A4GALT: variants seen among roughly 807,000 people sequenced by gnomAD.
A4GALT encodes alpha 1,4-galactosyltransferase (P1PK blood group).
For synonymous variants in A4GALT, 257 were observed against 220.7 expected (o/e 1.16, Z -1.46); for missense variants, 512 against 486.0 (o/e 1.05, Z -0.50).
chr22:42,703,079 GTGTGTGAGAGAGAGCATGCTGCCCCAC>G (rs1920934570), intron 1 of A4GALT, among the ~76,000 whole-genome samples: 3 of 146,360 alleles, frequency 2.0e-5, no homozygotes, highest in African/African-American at 8.1e-5. Context: ...GTGTGTGTGT[GTGTGTGAGAGAGAGCATGCTGCCCCAC>G]TGTGTGTGTG....
At chr22:42,695,177 A>G (rs1930837126) in intron 2 of A4GALT, 1 of 84,084 alleles carries the variant, frequency 1.2e-5, no homozygotes, top group Non-Finnish European at 2.2e-5. Flanking sequence ...AGCCAGCGGG[A>G]TCACCATCGA....
intron 1 of A4GALT, among the ~76,000 whole-genome samples, chr22:42,699,922 C>T (rs910301): frequency 0.28 from 42,882 of 151,990 alleles, 6,588 homozygotes; most frequent in South Asian, 0.39. Flanking sequence ...AGGCTGAGGA[C>T]GGAGGAATTC....
At chr22:42,701,862 G>C (rs1286791380) in intron 1 of A4GALT, among the ~76,000 whole-genome samples, 1 of 152,164 alleles carries the variant, frequency 6.6e-6, no homozygotes, top group African/African-American at 2.4e-5. Context: ...GAGGCAAGCA[G>C]AGCCAAGGGA....
In A4GALT at chr22:42,692,771, C is replaced by T; in HGVS notation, c.*119G>A. 8.2e-7 allele frequency: 1 copy of T among 1,222,650 alleles called. No individual in the cohort carries two copies. Among genetic ancestry groups the T allele is most frequent in the South Asian group, 1.3e-5 (1 of 78,476 alleles). The allele number at this position is 1,222,650 out of a possible 1,614,324, so 75.7% of individuals were successfully genotyped here. On this transcript the variant is annotated 3_prime_UTR_variant, in exon 3 of 3. Transcript: ENST00000642412. This position sits in a 1 kb window ranked among gnomAD's most constrained non-coding sequence, Gnocchi z 4.6. ...CCTGCTCCCACAGCTCCTCAACAGC[C>T]TGCCTAAGCCCGGTGGCAGCTCGGG...
Position 42,692,415 on chromosome 22 carries a change from A to C in A4GALT, c.*475T>G. The C allele has an allele frequency of 1.0e-5, 3 of 297,910 alleles. No homozygotes were observed. Among genetic ancestry groups the C allele is most frequent in the South Asian group, 2.8e-5 (1 of 35,814 alleles). 18.5% of individuals were successfully genotyped at this position (297,910 alleles called of 1,614,324 possible). On this transcript the variant is annotated 3_prime_UTR_variant, in exon 3 of 3. Transcript: ENST00000642412. The surrounding 1 kb of genome is among the most constrained non-coding windows in gnomAD (Gnocchi z 4.6). The stretch of plus-strand genomic sequence containing the variant: ...CCCCCGCGAAAGAGGAACCAAAACC[A>C]GAAAAGAACAAAGCATCCTCCGCCC...
chr22:42,704,913 G>C (rs1920973108), intron 1 of A4GALT, among the ~76,000 whole-genome samples: 1 of 151,986 alleles, frequency 6.6e-6, no homozygotes, highest in African/African-American at 2.4e-5. Context: ...GAGCTCAAGA[G>C]TGGAAGACCC....
At position 42,692,368 on chromosome 22, in the gene A4GALT, A is replaced by G; in HGVS notation, c.*522T>C. On this transcript the variant is annotated 3_prime_UTR_variant, in exon 3 of 3. Coordinates refer to ENST00000642412, the MANE Select transcript of A4GALT (RefSeq NM_017436.7). This position sits in a 1 kb window ranked among gnomAD's most constrained non-coding sequence, Gnocchi z 4.6. ...GCACTTCTGGGCCTCTGCCCCACTC[A>G]GTCCCTGTTGACCTCCCCCACCCCC... The G allele has an allele frequency of 3.5e-6, 1 of 284,646 alleles. No homozygotes were observed. Among genetic ancestry groups the G allele is most frequent in the East Asian group, 9.5e-5 (1 of 10,488 alleles). The allele number at this position is 284,646 out of a possible 1,614,324, so 17.6% of individuals were successfully genotyped here.
intron 2 of A4GALT, among the ~76,000 whole-genome samples, chr22:42,694,218 C>G (rs563618109): frequency 6.6e-6 from 1 of 152,370 alleles, no homozygotes; most frequent in East Asian, 1.9e-4. Context: ...GTCCCTTCCA[C>G]TCTCTGCGAC....
intron 1 of A4GALT, among the ~76,000 whole-genome samples, chr22:42,708,945 A>G (rs1012106185): frequency 1.3e-5 from 2 of 151,484 alleles, no homozygotes; most frequent in African/African-American, 4.9e-5. Flanking sequence ...ATTACAAAAC[A>G]AAAGCACCAG....
At chr22:42,715,177 G>A (rs1922061382) in intron 1 of A4GALT, among the ~76,000 whole-genome samples, 1 of 152,056 alleles carries the variant, frequency 6.6e-6, no homozygotes, top group Admixed American at 6.6e-5. Context: ...ACGTCTTAGA[G>A]ATCTAAGAGA....
chr22:42,706,518 G>T (rs1379589563), intron 1 of A4GALT, among the ~76,000 whole-genome samples: 2 of 151,728 alleles, frequency 1.3e-5, no homozygotes, highest in Non-Finnish European at 2.9e-5. Flanking sequence ...AGAACAGCCG[G>T]GTGCGGTCGC....
chr22:42,693,241 G>A lies in A4GALT; in HGVS notation c.711C>T (p.Phe237=), dbSNP rs530734646. ...HEFMALCMRD[F]VDHYNGWIWG... is the part of the protein sequence containing the mutation. ...AGATCCAGCCGTTGTAGTGGTCCACGAAGTCCCGCATGCACAGCGCCATGA... is the reference window on the plus strand; with the variant it reads ...AGATCCAGCCGTTGTAGTGGTCCACAAAGTCCCGCATGCACAGCGCCATGA... Residue 237 remains phenylalanine (F), a synonymous_variant, in exon 3 of 3, where the codon TTC becomes TTT. Coordinates refer to ENST00000642412, the MANE Select transcript of A4GALT (RefSeq NM_017436.7). 1.9e-6 allele frequency: 3 copies of A among 1,611,320 alleles called. No homozygotes were observed. Among genetic ancestry groups the A allele is most frequent in the East Asian group, 2.2e-5 (1 of 44,756 alleles).
At chr22:42,703,259 G>GTTTTGT (rs1555887062) in intron 1 of A4GALT, among the ~76,000 whole-genome samples, 7 of 131,748 alleles carry the variant, frequency 5.3e-5, no homozygotes, top group African/African-American at 2.0e-4. Context: ...GTTTGTTTTT[G>GTTTTGT]TTTTTTTTTT....
Position 42,693,801 on chromosome 22 carries a change from G to A in A4GALT, c.151C>T (p.Gln51Ter). The change falls in exon 3 of 3, where the codon CAG (glutamine) becomes TAG (stop). Residue 51 changes from glutamine (Q) to a stop codon, truncating the protein, a stop_gained. Transcript: ENST00000642412. LOFTEE classifies it low-confidence loss of function (END_TRUNC). ...ATCTCTGCTGGCAGGTTATAGAGCT[G>A]CCCTTTCTCCTTGGGCTCTCCCACA... The part of the protein sequence containing the change: ...HVVGEPKEKG[Q>*]LYNLPAEIPC... The A allele has an allele frequency of 1.2e-6, 2 of 1,603,372 alleles. No homozygotes were observed. The highest frequency in any genetic ancestry group is 1.1e-5 in the South Asian group (1 of 89,694).
intron 1 of A4GALT, among the ~76,000 whole-genome samples, chr22:42,696,439 A>AAG (rs1434629867): frequency 6.6e-6 from 1 of 151,638 alleles, no homozygotes; most frequent in African/African-American, 2.4e-5. Context: ...AAAAAAAAAA[A>AAG]AAAGAAAAAA....
chr22:42,718,897 A>G (rs1922441173), intron 1 of A4GALT, among the ~76,000 whole-genome samples: 1 of 152,174 alleles, frequency 6.6e-6, no homozygotes, highest in African/African-American at 2.4e-5. Flanking sequence ...CAGAACTCAG[A>G]TGGCTGGCTT....
chr22:42,709,067 AT>A (rs71186522), intron 1 of A4GALT, among the ~76,000 whole-genome samples: 6 of 128,832 alleles, frequency 4.7e-5, no homozygotes, highest in African/African-American at 1.1e-4. Flanking sequence ...ATATATATAT[AT>A]TTTTTTTAAG....
In A4GALT at chr22:42,693,779, T is replaced by G. The variant is rs769505410; in HGVS notation, c.173A>C (p.Glu58Ala). ...EKGQLYNLPAEIPCPTLTPPT... is the reference protein window; with the variant it reads ...EKGQLYNLPAAIPCPTLTPPT... Reference sequence around the variant, plus strand: ...GGGTGTCAAGGTGGGGCAGGGGATCTCTGCTGGCAGGTTATAGAGCTGCCC... The same window carrying G: ...GGGTGTCAAGGTGGGGCAGGGGATCGCTGCTGGCAGGTTATAGAGCTGCCC... Residue 58 changes from glutamate to alanine, a missense_variant, in exon 3 of 3, where the codon GAG becomes GCG. Glu to Ala is a moderately radical substitution (Grantham distance 107, BLOSUM62 -1). Coordinates refer to ENST00000642412, the MANE Select transcript of A4GALT (RefSeq NM_017436.7). The G allele has an allele frequency of 1.2e-6, 2 of 1,602,018 alleles. No homozygotes were observed. Among genetic ancestry groups the G allele is most frequent in the South Asian group, 2.2e-5 (2 of 89,722 alleles).
intron 1 of A4GALT, among the ~76,000 whole-genome samples, chr22:42,716,818 G>C (rs1318748925): frequency 2.6e-5 from 4 of 152,176 alleles, no homozygotes; most frequent in Non-Finnish European, 5.9e-5. Context: ...CCCACCTGAA[G>C]GGGAAGGAGC....
Sources: allele counts gnomAD v4.1 joint callset (sites outside exome capture counted in the v4.1 genomes callset), GRCh38; gene constraint gnomAD v4.1.1; non-coding constraint Gnocchi (gnomAD v3.1); transcripts MANE v1.5; gene names NCBI Gene and HGNC (gene_info 2026-07-23, HGNC 2026-07-21).